Variants in MCF2L observed in about 807,000 individuals in gnomAD.
MCF2L encodes the protein guanine nucleotide exchange factor DBS.
MCF2L carries 97 observed loss-of-function variants against 153.4 expected under a neutral mutation model. The ratio of observed to expected loss-of-function variants is 0.63; its 90% CI spans 0.54 to 0.75. MCF2L has a LOEUF of 0.75. Among genes scored for constraint, MCF2L ranks in the 30% least tolerant of loss-of-function variants. MCF2L has a pLI of 0.00. For synonymous variants in MCF2L, 659 were observed against 632.2 expected (o/e 1.04, Z -0.64); for missense variants, 1,347 against 1,495.2 (o/e 0.90, Z 1.64).
intron 1 of MCF2L, among the ~76,000 whole-genome samples, chr13:112,976,012 C>T (rs938073962): frequency 6.6e-6 from 1 of 152,174 alleles, no homozygotes; most frequent in African/African-American, 2.4e-5. Context: ...AGAAACTGAA[C>T]CTTTGGGAAG....
At chr13:113,005,482 C>T (rs548560566) in intron 1 of MCF2L, among the ~76,000 whole-genome samples, 5 of 150,840 alleles carry the variant, frequency 3.3e-5, no homozygotes, top group South Asian at 2.1e-4. Flanking sequence ...GTGGCCGTGG[C>T]GTGTTTGTTG....
intron 1 of MCF2L, among the ~76,000 whole-genome samples, chr13:112,897,231 G>A (rs1164090870): frequency 6.6e-6 from 1 of 152,158 alleles, no homozygotes; most frequent in Non-Finnish European, 1.5e-5. Context: ...ACCTCTCCGA[G>A]CTTTCAGCCA....
intron 1 of MCF2L, among the ~76,000 whole-genome samples, chr13:113,003,292 G>A (rs552109978): frequency 5.3e-5 from 8 of 151,538 alleles, no homozygotes; most frequent in Admixed American, 1.3e-4. Context: ...GGAAGGCTTC[G>A]GGGTGAGTAG....
intron 1 of MCF2L, among the ~76,000 whole-genome samples, chr13:112,984,826 G>A (rs368831927): frequency 2.6e-5 from 4 of 152,094 alleles, no homozygotes; most frequent in South Asian, 2.1e-4. Flanking sequence ...TGCAGGTCCC[G>A]GTGTCTCTGT....
rs76955568 is a variant in MCF2L, at chr13:112,972,955, G to A, written c.79+3497G>A. 4.8e-3 allele frequency among the ~76,000 whole-genome samples: 728 copies of A among 151,690 alleles called. 25 individuals carry two copies. In the East Asian group the frequency reaches 0.1, roughly 21 times the overall value. Reference sequence around the variant, plus strand: ...GGGCTGAGGGACACAGCAGCACGGAGGGGCTTTGGGGGATGAGGGGGCTTC... The same window carrying A: ...GGGCTGAGGGACACAGCAGCACGGAAGGGCTTTGGGGGATGAGGGGGCTTC... On this transcript the variant is annotated intron_variant, in intron 1 of 29. Coordinates refer to ENST00000535094, the MANE Select transcript of MCF2L (RefSeq NM_001112732.3).
At chr13:113,092,724 GC>G (rs2035322914) in intron 26 of MCF2L, among the ~76,000 whole-genome samples, 1 of 152,264 alleles carries the variant, frequency 6.6e-6, no homozygotes, top group Non-Finnish European at 1.5e-5. Context: ...CTGGCCTGTG[GC>G]TGCCCACTCC....
Position 113,031,468 on chromosome 13 carries a change from G to A in MCF2L, c.278+6710G>A, listed in dbSNP as rs1320592157. 6.6e-6 allele frequency among the ~76,000 whole-genome samples: 1 copy of A among 152,172 alleles called. No individual in the cohort carries two copies. On this transcript the variant is annotated intron_variant, in intron 3 of 29. Coordinates refer to ENST00000535094, the MANE Select transcript of MCF2L (RefSeq NM_001112732.3). The surrounding 1 kb of genome is among the most constrained non-coding windows in gnomAD (Gnocchi z 5.5). ...AGTGCCGGGGAGTCGGGGGCTGTAG[G>A]GACAGAGTCTGGGAGGTGAGACAGG...
chr13:112,954,822 A>G (rs1376752413), intron 2 of MCF2L, among the ~76,000 whole-genome samples: 1 of 152,184 alleles, frequency 6.6e-6, no homozygotes, highest in Non-Finnish European at 1.5e-5. Flanking sequence ...AATCCTGAAT[A>G]TTTAGAGCTC....
At chr13:112,987,519 C>G (rs1315070907) in intron 1 of MCF2L, among the ~76,000 whole-genome samples, 2 of 152,224 alleles carry the variant, frequency 1.3e-5, no homozygotes, top group Admixed American at 1.3e-4. Flanking sequence ...TCCTGGAGTT[C>G]AGAGATTTTA....
chr13:112,912,717 CCTT>C (rs1188712788), intron 2 of MCF2L, among the ~76,000 whole-genome samples: 19 of 152,142 alleles, frequency 1.2e-4, no homozygotes, highest in Non-Finnish European at 5.9e-5. Flanking sequence ...TATTTTATAT[CCTT>C]CTTTTCTTAT....
At position 113,014,956 on chromosome 13, in the gene MCF2L, G is replaced by GGGGCTGTGTATTCACTGCCTTGGGT. The variant is rs1594663575; in HGVS notation, c.163+111_163+135dup. The GGGGCTGTGTATTCACTGCCTTGGGT allele has an allele frequency of 3.2e-6, 3 of 924,084 alleles. No individual in the cohort carries two copies. The East Asian group carries it at 7.5e-5, about 23-fold the overall frequency. 57.2% of individuals were successfully genotyped at this position (924,084 alleles called of 1,614,324 possible). The stretch of plus-strand genomic sequence containing the variant: ...GCTGGAGCTGGGAAGGGTCATGCGA[G>GGGGCTGTGTATTCACTGCCTTGGGT]GGGCTGTGTATTCACTGCCTTGGGT... On this transcript the variant is annotated intron_variant, in intron 2 of 29. Coordinates refer to ENST00000535094, the MANE Select transcript of MCF2L (RefSeq NM_001112732.3).
chr13:113,043,711 CTT>C (rs926646627), intron 3 of MCF2L: 6 of 152,194 alleles, frequency 3.9e-5, no homozygotes, highest in African/African-American at 1.4e-4. Flanking sequence ...TTATTTCTTT[CTT>C]TTTTTGAGAC....
intron 2 of MCF2L, among the ~76,000 whole-genome samples, chr13:112,954,205 A>G (rs1183035986): frequency 3.3e-5 from 5 of 152,142 alleles, no homozygotes; most frequent in Non-Finnish European, 7.4e-5. Flanking sequence ...TCCTGTTTCC[A>G]GGCCTCACAC....
chr13:113,094,950 T>A, intron 27 of MCF2L: 1 of 1,389,060 alleles, frequency 7.2e-7, no homozygotes. Context: ...GCACTTTGTG[T>A]TTCTGGGTTA....
rs372502763 is a variant in MCF2L, at chr13:113,044,703, G to A, written c.279-568G>A. ...GACGGAGGCTGTCGTTATACAACGCGCAAGTGTGGTCTCTGTCACAGATGT... is the reference window on the plus strand; with the variant it reads ...GACGGAGGCTGTCGTTATACAACGCACAAGTGTGGTCTCTGTCACAGATGT... On this transcript the variant is annotated intron_variant, in intron 3 of 29. Coordinates refer to ENST00000535094, the MANE Select transcript of MCF2L (RefSeq NM_001112732.3). 27 of 1,612,796 alleles carry A rather than the reference G, an allele frequency of 1.7e-5. No individual in the cohort carries two copies. The Middle Eastern group carries it at 9.9e-4, about 59-fold the overall frequency.
In MCF2L at chr13:113,045,253, G is replaced by A. The variant is rs189773131; in HGVS notation, c.279-18G>A. 9.4e-4 allele frequency: 1,501 copies of A among 1,605,290 alleles called. 7 individuals are homozygous for A. The African/African-American group carries it at 0.014, about 15-fold the overall frequency. On this transcript the variant is annotated intron_variant, in intron 3 of 29. Coordinates refer to ENST00000535094, the MANE Select transcript of MCF2L (RefSeq NM_001112732.3). This position sits in a 1 kb window ranked among gnomAD's most constrained non-coding sequence, Gnocchi z 4.2. ...CCCACCTGCACACATTAACGGCGGC[G>A]TCTCTTCCTCACTGCAGCCTGCAGG...
In MCF2L at chr13:113,061,928, T is replaced by A. The variant is rs370570345; in HGVS notation, c.489+1216T>A. Among the ~76,000 whole-genome samples, 888 of 108,706 alleles carry A rather than the reference T, an allele frequency of 8.2e-3. 14 individuals are homozygous for A. The highest frequency in any genetic ancestry group is 0.032 in the African/African-American group (848 of 26,880). The allele number at this position is 108,706 out of a possible 152,430, so 71.3% of individuals were successfully genotyped here. Reference sequence around the variant, plus strand: ...CCCCTACCCAAGACAGCCCTGGGGGTCACAAGGCCCCATCCACTCTGCCCA... The same window carrying A: ...CCCCTACCCAAGACAGCCCTGGGGGACACAAGGCCCCATCCACTCTGCCCA... On this transcript the variant is annotated intron_variant, in intron 5 of 29. Transcript: ENST00000535094.
intron 2 of MCF2L, among the ~76,000 whole-genome samples, chr13:112,955,089 G>A (rs186043517): frequency 5.3e-5 from 8 of 152,336 alleles, no homozygotes; most frequent in East Asian, 1.9e-4. Flanking sequence ...GGTCCCAGGC[G>A]TAGCCTCTCT....
At chr13:112,945,096 C>T (rs915529782) in intron 2 of MCF2L, among the ~76,000 whole-genome samples, 25 of 150,672 alleles carry the variant, frequency 1.7e-4, no homozygotes, top group South Asian at 4.2e-4. Flanking sequence ...TGTTTAGGCT[C>T]AGTCTTGGTG....
Sources: gnomAD v4.1 joint callset for allele counts (sites outside exome capture counted in the v4.1 genomes callset) on GRCh38, gnomAD v4.1.1 for gene constraint, Gnocchi (gnomAD v3.1) non-coding constraint, MANE v1.5 for transcripts, NCBI Gene and HGNC (gene_info 2026-07-23, HGNC 2026-07-21) for gene names.